DMD: variants seen among roughly 807,000 people sequenced by gnomAD.
DMD encodes the protein dystrophin, also known as mutant dystrophin.
In DMD, 63 loss-of-function variants were observed where a neutral mutation model predicts 330.1. The observed-to-expected ratio is 0.19, with a 90% CI of 0.16 to 0.24. DMD has a LOEUF of 0.24. Among genes scored for constraint, DMD ranks in the 10% least tolerant of loss-of-function variants. The pLI is 1.00. For synonymous variants in DMD, 1,223 were observed against 959.8 expected (o/e 1.27, Z -5.07); for missense variants, 3,344 against 2,684.1 (o/e 1.25, Z -5.43).
At chrX:32,741,360 A>AT (rs1433536744) in intron 7 of DMD, among the ~76,000 whole-genome samples, 1 of 111,340 alleles carries the variant, frequency 9.0e-6, no homozygotes, top group African/African-American at 3.3e-5. Context: ...TCTGCAATAT[A>AT]TTTTTTCAAA....
At chrX:32,479,986 G>C (rs1311132582) in intron 21 of DMD, among the ~76,000 whole-genome samples, 1 of 111,070 alleles carries the variant, frequency 9.0e-6, no homozygotes, top group African/African-American at 3.3e-5. Flanking sequence ...CACAGATCAA[G>C]AGAAAATATT....
In DMD at chrX:31,447,178, A is replaced by G. The variant is rs189623199; in HGVS notation, c.8938-2551T>C. On this transcript the variant is annotated intron_variant, in intron 59 of 78. Transcript: ENST00000357033. ...AAATAAGTTTTGGTACTCATAATTA[A>G]TTGCAATGCTCTCCCTTTTCCTCTT... is the stretch of plus-strand genomic sequence containing the variant. 3.6e-5 allele frequency among the ~76,000 whole-genome samples: 4 copies of G among 110,049 alleles called. No individual in the cohort carries two copies. In the Admixed American group the frequency reaches 3.9e-4, roughly 11 times the overall value.
At chrX:32,308,953 T>G (rs2148588194) in intron 42 of DMD, among the ~76,000 whole-genome samples, 1 of 111,400 alleles carries the variant, frequency 9.0e-6, no homozygotes, top group African/African-American at 3.2e-5. Context: ...GCATGTCAGC[T>G]TTATTTTATT....
At chrX:33,019,410 A>G (rs1436510038) in intron 2 of DMD, among the ~76,000 whole-genome samples, 1 of 111,538 alleles carries the variant, frequency 9.0e-6, no homozygotes, top group Non-Finnish European at 1.9e-5. Context: ...TCATGATGGA[A>G]ACATAAGAAA....
At position 31,351,159 on chromosome X, in the gene DMD, TACAC is replaced by T. The variant is rs3061695; in HGVS notation, c.9085-2529_9085-2526del. On this transcript the variant is annotated intron_variant, in intron 60 of 78. Coordinates refer to ENST00000357033, the MANE Select transcript of DMD (RefSeq NM_004006.3). ...TCACACACACATAGACATACATATA[TACAC>T]ACACACACACACACACATATACATA... 5.2e-3 allele frequency among the ~76,000 whole-genome samples: 550 copies of T among 105,127 alleles called. 6 individuals carry two copies. The highest frequency in any genetic ancestry group is 0.019 in the African/African-American group (533 of 28,532). 91.3% of individuals were successfully genotyped at this position (105,127 alleles called of 115,157 possible). A position where few individuals can be genotyped will look rare whatever the true frequency, so the allele number is the denominator to read the frequency against.
At chrX:31,856,524 T>C in intron 48 of DMD, among the ~76,000 whole-genome samples, 1 of 112,516 alleles carries the variant, frequency 8.9e-6, no homozygotes, top group South Asian at 3.7e-4. Flanking sequence ...CGTATTTTTA[T>C]GGAGTCCAAA....
At chrX:31,291,586 A>T (rs974866330) in intron 62 of DMD, among the ~76,000 whole-genome samples, 1 of 112,041 alleles carries the variant, frequency 8.9e-6, no homozygotes, top group Non-Finnish European at 1.9e-5. Context: ...TGACACTGAC[A>T]AAAGAAGAAA....
intron 1 of DMD, among the ~76,000 whole-genome samples, chrX:33,126,992 G>GACA (rs754540449): frequency 6.3e-5 from 7 of 111,619 alleles, no homozygotes; most frequent in African/African-American, 2.3e-4. Context: ...AGTGAGAAAT[G>GACA]ACAACCACTT....
chrX:31,726,115 ATT>A (rs773272450), intron 52 of DMD, among the ~76,000 whole-genome samples: 3 of 112,397 alleles, frequency 2.7e-5, no homozygotes, highest in Non-Finnish European at 5.6e-5. Context: ...AGAATTTTTC[ATT>A]TGATCTGATT....
chrX:31,493,336 A>G (rs1486937807), intron 57 of DMD, among the ~76,000 whole-genome samples: 1 of 112,473 alleles, frequency 8.9e-6, no homozygotes, highest in East Asian at 2.8e-4. Flanking sequence ...ACGCTATGTT[A>G]TAGAAAAGTA....
At chrX:33,222,438 T>C (rs747523814) in intron 1 of DMD, among the ~76,000 whole-genome samples, 1 of 112,455 alleles carries the variant, frequency 8.9e-6, no homozygotes, top group Non-Finnish European at 1.9e-5. Context: ...GCTAACTTCA[T>C]ACTTAATAGT....
At chrX:32,727,035 G>A (rs895441078) in intron 7 of DMD, among the ~76,000 whole-genome samples, 1 of 110,651 alleles carries the variant, frequency 9.0e-6, no homozygotes, top group African/African-American at 3.3e-5. Context: ...GGTTCCTCTA[G>A]GTTGAAGTAA....
intron 2 of DMD, among the ~76,000 whole-genome samples, chrX:32,864,307 G>T (rs948701483): frequency 1.8e-5 from 2 of 111,583 alleles, no homozygotes; most frequent in African/African-American, 6.5e-5. Context: ...CAGCAAGTAA[G>T]TGCTAGATAC....
intron 44 of DMD, among the ~76,000 whole-genome samples, chrX:32,180,609 T>C (rs752617012): frequency 3.9e-4 from 44 of 111,472 alleles, no homozygotes; most frequent in African/African-American, 1.4e-3. Context: ...TAGTCCATTT[T>C]CATACTGCTA....
chrX:33,058,476 T>A (rs5928162), intron 1 of DMD, among the ~76,000 whole-genome samples: 108 of 58,586 alleles, frequency 1.8e-3, no homozygotes, highest in Non-Finnish European at 2.4e-3. Flanking sequence ...ATTTTATTTT[T>A]TTTTTTTGTA....
chrX:32,807,261 A>C (rs984333412), intron 7 of DMD, among the ~76,000 whole-genome samples: 1 of 110,136 alleles, frequency 9.1e-6, no homozygotes, highest in Non-Finnish European at 1.9e-5. Context: ...AAAAAATGAT[A>C]AAGGGGATAT....
chrX:31,523,304 G>A (rs2073002087), intron 55 of DMD, among the ~76,000 whole-genome samples: 2 of 110,398 alleles, frequency 1.8e-5, no homozygotes, highest in Admixed American at 9.7e-5. Flanking sequence ...CACAAAATAC[G>A]ACCTATTACT....
chrX:31,564,450 G>A (rs1054881034), intron 55 of DMD, among the ~76,000 whole-genome samples: 9 of 111,470 alleles, frequency 8.1e-5, no homozygotes, highest in Non-Finnish European at 1.3e-4. Context: ...CTTGAAATTC[G>A]TACATATCTC....
At chrX:32,729,926 G>T (rs1444844853) in intron 7 of DMD, among the ~76,000 whole-genome samples, 1 of 111,956 alleles carries the variant, frequency 8.9e-6, no homozygotes, top group Non-Finnish European at 1.9e-5. Context: ...CACAGCCTCT[G>T]CTCTATATGA....
Sources: gnomAD v4.1 joint callset for allele counts (sites outside exome capture counted in the v4.1 genomes callset) on GRCh38, gnomAD v4.1.1 for gene constraint, MANE v1.5 for transcripts, NCBI Gene and HGNC (gene_info 2026-07-23, HGNC 2026-07-21) for gene names.